The following BANP variants were observed in gnomAD, a reference collection of about 807,000 sequenced individuals.
The protein encoded by BANP is BTG3 associated nuclear protein, also known as protein BANP.
BANP carries 11 observed loss-of-function variants against 68.1 expected under a neutral mutation model. The ratio of observed to expected loss-of-function variants is 0.16; its 90% CI spans 0.10 to 0.27. The LOEUF (loss-of-function observed/expected upper bound fraction) is 0.27. Among genes scored for constraint, BANP ranks in the 10% least tolerant of loss-of-function variants. The pLI is 1.00. For synonymous variants in BANP, 329 were observed against 303.2 expected (o/e 1.09, Z -0.88); for missense variants, 504 against 722.7 (o/e 0.70, Z 3.47).
chr16:88,044,666 GTAAT>G (rs2081555834), intron 11 of BANP, among the ~76,000 whole-genome samples: 1 of 152,208 alleles, frequency 6.6e-6, no homozygotes, highest in Admixed American at 6.5e-5. Flanking sequence ...CTTCACCTGT[GTAAT>G]TAAGTAATTT....
At chr16:87,991,929 C>G (rs1346538823) in intron 4 of BANP, among the ~76,000 whole-genome samples, 1 of 151,968 alleles carries the variant, frequency 6.6e-6, no homozygotes, top group African/African-American at 2.4e-5. Flanking sequence ...ATATTTTTGC[C>G]TTATTCCTGA....
At position 88,076,529 on chromosome 16, in the gene BANP, C is replaced by T. The variant is rs1037159905; in HGVS notation, c.1522-61C>T. ...TTAAAGTCACTGGCTGTTCATGACA[C>T]CCCCTGGCCATGCAGTGCTGGGTAT... On this transcript the variant is annotated intron_variant, in intron 13 of 13. Coordinates refer to ENST00000682872, the MANE Select transcript of BANP (RefSeq NM_001386991.1). The T allele has an allele frequency of 3.4e-6, 5 of 1,458,040 alleles. No individual in the cohort carries two copies. The African/African-American group carries it at 4.2e-5, about 12-fold the overall frequency. The allele number at this position is 1,458,040 out of a possible 1,614,324, so 90.3% of individuals were successfully genotyped here.
chr16:88,040,857 G>T (rs111441064), intron 11 of BANP, among the ~76,000 whole-genome samples: 1 of 152,206 alleles, frequency 6.6e-6, no homozygotes, highest in African/African-American at 2.4e-5. Context: ...AAATGGACGC[G>T]GCTGTTTTAA....
intron 6 of BANP, among the ~76,000 whole-genome samples, chr16:88,007,012 A>C (rs1356976505): frequency 6.6e-6 from 1 of 151,850 alleles, no homozygotes; most frequent in African/African-American, 2.4e-5. Context: ...AGGGAAAATA[A>C]CTGTGATCCC....
intron 4 of BANP, among the ~76,000 whole-genome samples, chr16:87,984,671 C>T (rs1484547330): frequency 1.3e-5 from 2 of 152,162 alleles, no homozygotes; most frequent in East Asian, 3.8e-4. Context: ...TTTTATTTTG[C>T]TTATTTTTAA....
intron 9 of BANP, among the ~76,000 whole-genome samples, chr16:88,034,301 T>TCCC (rs1160841898): frequency 6.6e-6 from 1 of 152,240 alleles, no homozygotes; most frequent in Non-Finnish European, 1.5e-5. Flanking sequence ...TTGAAAGCGT[T>TCCC]CCAGAGTAGA....
At chr16:88,076,362 CT>C (rs2091612624) in intron 13 of BANP, among the ~76,000 whole-genome samples, 1 of 152,182 alleles carries the variant, frequency 6.6e-6, no homozygotes, top group Non-Finnish European at 1.5e-5. Context: ...GGGCCGGGGC[CT>C]GGGTGTGCCG....
intron 4 of BANP, among the ~76,000 whole-genome samples, chr16:88,001,804 C>T (rs2069434673): frequency 6.6e-6 from 1 of 151,952 alleles, no homozygotes; most frequent in South Asian, 2.1e-4. Flanking sequence ...TCATTTCCCT[C>T]ACAAAATTTT....
chr16:87,992,263 T>G (rs1445562078), intron 4 of BANP, among the ~76,000 whole-genome samples: 2 of 152,224 alleles, frequency 1.3e-5, no homozygotes, highest in Non-Finnish European at 2.9e-5. Context: ...TTTCTAATAT[T>G]TAATGAAGAG....
Position 88,018,401 on chromosome 16 carries a change from T to C in BANP, c.656-27T>C. ...TGTGAGCTTATTTGAGCCTTGGCCA[T>C]CTGAGGACCTGTCTTCTGTTTTTCA... On this transcript the variant is annotated intron_variant, in intron 6 of 13. Transcript: ENST00000682872. The surrounding 1 kb of genome is among the most constrained non-coding windows in gnomAD (Gnocchi z 7.7). 6.3e-7 allele frequency: 1 copy of C among 1,599,008 alleles called. No homozygotes were observed. Among genetic ancestry groups the C allele is most frequent in the Non-Finnish European group, 8.5e-7 (1 of 1,171,396 alleles).
intron 4 of BANP, among the ~76,000 whole-genome samples, chr16:87,991,132 C>T (rs1251626926): frequency 6.6e-6 from 1 of 152,312 alleles, no homozygotes; most frequent in African/African-American, 2.4e-5. Flanking sequence ...CCAAAGAAAA[C>T]ATACAGTTTA....
intron 4 of BANP, among the ~76,000 whole-genome samples, chr16:87,998,746 G>A (rs1271971685): frequency 2.8e-5 from 4 of 142,434 alleles, no homozygotes; most frequent in African/African-American, 1.1e-4. Context: ...GTACTTGCCT[G>A]TCTTTCCAGA....
chr16:88,046,640 G>A (rs2082084170), intron 11 of BANP, among the ~76,000 whole-genome samples: 1 of 151,942 alleles, frequency 6.6e-6, no homozygotes, highest in Admixed American at 6.6e-5. Flanking sequence ...CCGTCTCCCA[G>A]GTTCAGGCGA....
chr16:87,984,449 G>A (rs1205002005), intron 4 of BANP, among the ~76,000 whole-genome samples, 190 bp downstream of exon 4: 1 of 152,232 alleles, frequency 6.6e-6, no homozygotes, highest in African/African-American at 2.4e-5. Flanking sequence ...ATCCTGCCAG[G>A]ATGACCTGAA....
At chr16:87,975,441 G>A (rs1345046367) in intron 2 of BANP, among the ~76,000 whole-genome samples, 1 of 152,212 alleles carries the variant, frequency 6.6e-6, no homozygotes, top group African/African-American at 2.4e-5. Flanking sequence ...CACTCCTTGG[G>A]GGTATGCGTG....
rs182552099 is a variant in BANP at position 88,019,755 on chromosome 16, C to A, written c.895+1088C>A. 1.1e-4 allele frequency among the ~76,000 whole-genome samples: 17 copies of A among 148,958 alleles called. No homozygotes were observed. In the East Asian group the frequency reaches 3.2e-3, roughly 28 times the overall value. Reference sequence around the variant, plus strand: ...CAGCGTGCAGGGCCAGCTGTTCCAGCAGGAAAGAGCCTTGCTCCTCTGGGA... The same window carrying A: ...CAGCGTGCAGGGCCAGCTGTTCCAGAAGGAAAGAGCCTTGCTCCTCTGGGA... On this transcript the variant is annotated intron_variant, in intron 7 of 13. Transcript: ENST00000682872.
intron 9 of BANP, among the ~76,000 whole-genome samples, chr16:88,034,437 T>A (rs1390902214): frequency 6.6e-6 from 1 of 151,874 alleles, no homozygotes; most frequent in African/African-American, 2.4e-5. Context: ...TAGGAATTAT[T>A]TGTCTGCCCA....
rs2085259793 is a variant in BANP at position 88,057,123 on chromosome 16, T to C, written c.1312-8144T>C. ...GATTCTTTGGGTGTTCTGAGACTTT[T>C]CTGTTGCCGTTGTTGAGCTGTGTCT... On this transcript the variant is annotated intron_variant, in intron 11 of 13. Coordinates refer to ENST00000682872, the MANE Select transcript of BANP (RefSeq NM_001386991.1). The surrounding 1 kb of genome is among the most constrained non-coding windows in gnomAD (Gnocchi z 4.6). Among the ~76,000 whole-genome samples, 1 of 152,194 alleles carries C rather than the reference T, an allele frequency of 6.6e-6. No individual in the cohort carries two copies. Among genetic ancestry groups the C allele is most frequent in the Non-Finnish European group, 1.5e-5 (1 of 68,032 alleles).
chr16:88,011,083 C>T (rs751485876), intron 6 of BANP, among the ~76,000 whole-genome samples: 2 of 152,174 alleles, frequency 1.3e-5, no homozygotes, highest in Admixed American at 6.5e-5. Flanking sequence ...GAGACAGCAG[C>T]GTGAGAACAG....
Sources: gnomAD v4.1 joint callset for allele counts (sites outside exome capture counted in the v4.1 genomes callset) on GRCh38, gnomAD v4.1.1 for gene constraint, Gnocchi (gnomAD v3.1) non-coding constraint, MANE v1.5 for transcripts, NCBI Gene and HGNC (gene_info 2026-07-23, HGNC 2026-07-21) for gene names.